Variants in GPC5 observed in about 807,000 individuals in gnomAD.
GPC5 encodes glypican 5.
In GPC5, 47 loss-of-function variants were observed where a neutral mutation model predicts 53.9. That is an observed-to-expected ratio of 0.87 (90% CI 0.69 to 1.11). The LOEUF (loss-of-function observed/expected upper bound fraction) is 1.11. GPC5 is among the 50% of genes most tolerant of loss of function. GPC5 has a pLI of 0.00. For missense variants in GPC5, 748 were observed against 713.1 expected, an observed-to-expected ratio of 1.05 and a Z score of -0.56; for synonymous variants, 286 against 263.3, an observed-to-expected ratio of 1.09 and a Z score of -0.84.
At chr13:92,824,622 A>G (rs771519335) in intron 7 of GPC5, among the ~76,000 whole-genome samples, 1 of 152,082 alleles carries the variant, frequency 6.6e-6, no homozygotes, top group Non-Finnish European at 1.5e-5. Context: ...AAGAGGCCAT[A>G]TACACTACCA....
At chr13:92,242,713 G>C (rs991303726) in intron 7 of GPC5, among the ~76,000 whole-genome samples, 2 of 152,038 alleles carry the variant, frequency 1.3e-5, no homozygotes, top group African/African-American at 4.8e-5. Flanking sequence ...AGTACTTCAT[G>C]CGTAGGAGAC....
chr13:92,345,676 C>A (rs1199249603), intron 7 of GPC5, among the ~76,000 whole-genome samples: 7 of 152,122 alleles, frequency 4.6e-5, no homozygotes, highest in Admixed American at 4.6e-4. Context: ...CAGCACAATG[C>A]CAGACAGAGG....
intron 7 of GPC5, among the ~76,000 whole-genome samples, chr13:92,174,187 G>A (rs2139025934): frequency 6.6e-6 from 1 of 152,104 alleles, no homozygotes; most frequent in East Asian, 1.9e-4. Context: ...AAAAAAATAT[G>A]TGTCTATGTA....
intron 7 of GPC5, among the ~76,000 whole-genome samples, chr13:92,388,249 T>G (rs1178807967): frequency 6.6e-6 from 1 of 152,074 alleles, no homozygotes; most frequent in Non-Finnish European, 1.5e-5. Context: ...AAAAAGAAAT[T>G]GATTAATTGT....
At chr13:91,557,688 A>G (rs1465424291) in intron 2 of GPC5, among the ~76,000 whole-genome samples, 3 of 152,150 alleles carry the variant, frequency 2.0e-5, no homozygotes, top group Non-Finnish European at 4.4e-5. Flanking sequence ...ATTCAAACAG[A>G]TTCCTCATAT....
At chr13:92,120,606 T>G (rs1264676005) in intron 6 of GPC5, among the ~76,000 whole-genome samples, 1 of 152,224 alleles carries the variant, frequency 6.6e-6, no homozygotes, top group Non-Finnish European at 1.5e-5. Context: ...ATCACTTTTA[T>G]GTACAAAAAT....
At chr13:91,444,757 T>G (rs1194096377) in intron 1 of GPC5, among the ~76,000 whole-genome samples, 1 of 152,172 alleles carries the variant, frequency 6.6e-6, no homozygotes, top group African/African-American at 2.4e-5. Flanking sequence ...GTTTGATTGT[T>G]TACTGGGGTG....
At chr13:92,575,967 G>C (rs1334580411) in intron 7 of GPC5, among the ~76,000 whole-genome samples, 3 of 152,032 alleles carry the variant, frequency 2.0e-5, no homozygotes, top group Non-Finnish European at 2.9e-5. Flanking sequence ...CAAGATAAAA[G>C]CCAATCAAGA....
At chr13:92,063,604 G>A (rs1023455486) in intron 6 of GPC5, among the ~76,000 whole-genome samples, 1 of 152,028 alleles carries the variant, frequency 6.6e-6, no homozygotes, top group African/African-American at 2.4e-5. Flanking sequence ...AATTAACACT[G>A]CAGCAGATTT....
rs566410743 is a variant in GPC5, at chr13:92,387,179, C to T, written c.1561+242190C>T. Among the ~76,000 whole-genome samples, 5 of 152,144 alleles carry T rather than the reference C, an allele frequency of 3.3e-5. No homozygotes were observed. The East Asian group carries it at 9.7e-4, about 29-fold the overall frequency. ...TTCAGTAGCACTTGTACCTCAAGTGCTCATTCAACCATTCTATTTTTCACT... is the reference window on the plus strand; with the variant it reads ...TTCAGTAGCACTTGTACCTCAAGTGTTCATTCAACCATTCTATTTTTCACT... On this transcript the variant is annotated intron_variant, in intron 7 of 7. Transcript: ENST00000377067.
intron 7 of GPC5, among the ~76,000 whole-genome samples, chr13:92,707,416 T>G (rs949093165): frequency 5.9e-5 from 9 of 152,058 alleles, no homozygotes; most frequent in African/African-American, 1.9e-4. Flanking sequence ...TACTTATTAG[T>G]CAGAATCTAT....
At chr13:91,581,554 ACT>A (rs2032360840) in intron 2 of GPC5, among the ~76,000 whole-genome samples, 1 of 152,158 alleles carries the variant, frequency 6.6e-6, no homozygotes, top group Non-Finnish European at 1.5e-5. Context: ...TTGTGCCATA[ACT>A]AATCCCTGAG....
chr13:91,913,968 A>T (rs2039634832), intron 6 of GPC5, among the ~76,000 whole-genome samples: 1 of 152,194 alleles, frequency 6.6e-6, no homozygotes, highest in African/African-American at 2.4e-5. Context: ...ATTGAAAACA[A>T]CACTTGGTTG....
chr13:91,681,945 G>A (rs2035517591), intron 2 of GPC5, among the ~76,000 whole-genome samples: 1 of 151,986 alleles, frequency 6.6e-6, no homozygotes. Flanking sequence ...GTTTTGTCTT[G>A]CTTTATTTTG....
chr13:92,495,559 G>A (rs1404652698), intron 7 of GPC5, among the ~76,000 whole-genome samples: 3 of 152,008 alleles, frequency 2.0e-5, no homozygotes, highest in South Asian at 2.1e-4. Context: ...CAGATGTAGG[G>A]GTGATGTAAA....
rs150470909 is a variant in GPC5 at position 92,846,443 on chromosome 13, G to T, written c.1562-19839G>T. On this transcript the variant is annotated intron_variant, in intron 7 of 7. Coordinates refer to ENST00000377067, the MANE Select transcript of GPC5 (RefSeq NM_004466.6). The stretch of plus-strand genomic sequence containing the variant: ...TAGATTTTGTTTGGGGGCTAAATTT[G>T]GTATTGTGGATTCATGTTGTTCTTA... Among the ~76,000 whole-genome samples the T allele has an allele frequency of 7.1e-3, 1,078 of 152,148 alleles. 8 individuals carry two copies. The highest frequency in any genetic ancestry group is 8.0e-3 in the Non-Finnish European group (543 of 67,996).
intron 5 of GPC5, among the ~76,000 whole-genome samples, chr13:91,893,319 C>T (rs1362670402): frequency 6.6e-6 from 1 of 151,920 alleles, no homozygotes; most frequent in Non-Finnish European, 1.5e-5. Flanking sequence ...TTTATTTCTT[C>T]ACCAAATGTA....
At chr13:91,739,353 T>C (rs1230355064) in intron 4 of GPC5, among the ~76,000 whole-genome samples, 1 of 151,466 alleles carries the variant, frequency 6.6e-6, no homozygotes, top group African/African-American at 2.5e-5. Flanking sequence ...GAAATTGCCT[T>C]CAACAAATAG....
At chr13:92,746,926 C>T (rs1889254331) in intron 7 of GPC5, among the ~76,000 whole-genome samples, 1 of 152,046 alleles carries the variant, frequency 6.6e-6, no homozygotes, top group African/African-American at 2.4e-5. Flanking sequence ...GGTGATGTAA[C>T]CTATTGCACA....
Sources: gnomAD v4.1 joint callset for allele counts (sites outside exome capture counted in the v4.1 genomes callset) on GRCh38, gnomAD v4.1.1 for gene constraint, MANE v1.5 for transcripts, NCBI Gene and HGNC (gene_info 2026-07-23, HGNC 2026-07-21) for gene names.